Variants in MBD2 observed in about 807,000 individuals in gnomAD.
MBD2 encodes methyl-CpG binding domain protein 2, also known as methyl-CpG-binding domain protein 2.
Under a neutral mutation model 39.3 loss-of-function variants are expected in MBD2, and 9 were observed. The ratio of observed to expected loss-of-function variants is 0.23; its 90% CI spans 0.14 to 0.40. The LOEUF (loss-of-function observed/expected upper bound fraction) is 0.40, where lower values mean the gene tolerates loss of function less well. Ranked by LOEUF, MBD2 falls within the 10% of genes least tolerant of loss-of-function variation. MBD2 has a pLI of 1.00. For synonymous variants in MBD2, 233 were observed against 211.1 expected (o/e 1.10, Z -0.90); for missense variants, 458 against 532.6 (o/e 0.86, Z 1.38).
chr18:54,217,665 T>C (rs1599112707), intron 1 of MBD2, among the ~76,000 whole-genome samples: 2 of 152,326 alleles, frequency 1.3e-5, no homozygotes, highest in East Asian at 1.9e-4. Context: ...TCCTTTAACA[T>C]TCCATTAAAA....
At chr18:54,170,938 C>CA (rs1294084799) in intron 3 of MBD2, among the ~76,000 whole-genome samples, 1 of 152,106 alleles carries the variant, frequency 6.6e-6, no homozygotes, top group East Asian at 1.9e-4. Flanking sequence ...TTATAAAGAA[C>CA]AATAACCAAG....
intron 1 of MBD2, among the ~76,000 whole-genome samples, chr18:54,214,885 G>T (rs146302830): frequency 6.6e-6 from 1 of 151,624 alleles, no homozygotes; most frequent in African/African-American, 2.4e-5. Flanking sequence ...GACGACAGGC[G>T]CCCGCCAACA....
intron 1 of MBD2, among the ~76,000 whole-genome samples, chr18:54,210,722 T>C (rs916171614): frequency 1.3e-4 from 20 of 152,138 alleles, no homozygotes; most frequent in South Asian, 2.1e-4. Context: ...GCTAGCTAGA[T>C]AGCTAAACAG....
chr18:54,224,321 C>G lies in MBD2; in HGVS notation c.239G>C (p.Arg80Pro). The change falls in exon 1 of 7, where the codon CGG becomes CCG. Residue 80 changes from arginine to proline, a missense_variant. By Grantham distance (103) the Arg-to-Pro change is moderately radical. This residue lies in a region of MBD2 where 269 missense variants were observed against 236.0 expected (regional missense o/e 1.14). Transcript: ENST00000256429. The part of the protein sequence containing the change: ...GGGVCGRGRG[R>P]GRGRGRGRGR... ...CCGTCCCCGTCCCCGGCCACGGCCC[C>G]GGCCCCGGCCACGGCCACAGACGCC... The G allele has an allele frequency of 1.0e-6, 1 of 990,526 alleles. No individual in the cohort carries two copies. The highest frequency in any genetic ancestry group is 1.2e-6 in the Non-Finnish European group (1 of 829,764). The allele number at this position is 990,526 out of a possible 1,614,324, so 61.4% of individuals were successfully genotyped here. A position where few individuals can be genotyped will look rare whatever the true frequency, so the allele number is the denominator to read the frequency against.
chr18:54,199,938 G>T (rs2086392836), intron 2 of MBD2, among the ~76,000 whole-genome samples: 1 of 151,916 alleles, frequency 6.6e-6, no homozygotes, highest in Non-Finnish European at 1.5e-5. Flanking sequence ...AGATAGGTAA[G>T]CTCTCCACAA....
At position 54,164,554 on chromosome 18, in the gene MBD2, T is replaced by G; in HGVS notation, c.1078A>C (p.Lys360Gln). 1 of 1,613,894 alleles carries G rather than the reference T, an allele frequency of 6.2e-7. No homozygotes were observed. Among genetic ancestry groups the G allele is most frequent in the Non-Finnish European group, 8.5e-7 (1 of 1,179,748 alleles). Reference protein sequence around the residue: ...VWLNTSQPLCKAFIVTDEDIR... With the variant: ...VWLNTSQPLCQAFIVTDEDIR... ...TCTTCATCTGTGACAATAAAAGCTT[T>G]GCAGAGGGGTTGAGATGTGTTAAGC... The change falls in exon 5 of 7, where the codon AAA (lysine) becomes CAA (glutamine). Residue 360 changes from lysine (K) to glutamine (Q), a missense_variant. Physicochemically the swap from Lys to Gln is moderately conservative, Grantham distance 53 (BLOSUM62 1). Around this residue, in one of 2 missense-constraint regions of MBD2, gnomAD observed 189 missense variants for 296.6 expected, o/e 0.64. Coordinates refer to ENST00000256429, the MANE Select transcript of MBD2 (RefSeq NM_003927.5).
intron 1 of MBD2, among the ~76,000 whole-genome samples, chr18:54,207,992 C>T (rs1040858244): frequency 2.3e-4 from 35 of 151,828 alleles, no homozygotes; most frequent in Non-Finnish European, 5.0e-4. Context: ...GAGCTGAGAT[C>T]GCACCACTGC....
intron 6 of MBD2, among the ~76,000 whole-genome samples, chr18:54,158,289 G>C (rs1322079733): frequency 2.0e-4 from 31 of 151,912 alleles, no homozygotes; most frequent in Non-Finnish European, 1.5e-5. Flanking sequence ...CTTCTAATGG[G>C]AACACTTTTA....
intron 1 of MBD2, among the ~76,000 whole-genome samples, chr18:54,220,024 A>C (rs2086596929): frequency 6.6e-6 from 1 of 152,084 alleles, no homozygotes; most frequent in Non-Finnish European, 1.5e-5. Context: ...AATGGTCTCG[A>C]TCTCCTGACC....
intron 5 of MBD2, among the ~76,000 whole-genome samples, chr18:54,161,601 A>G (rs2086098705): frequency 6.6e-6 from 1 of 152,200 alleles, no homozygotes; most frequent in Non-Finnish European, 1.5e-5. Flanking sequence ...ATATGCAGTA[A>G]TTTGGATGGA....
At position 54,201,338 on chromosome 18, in the gene MBD2, G is replaced by A. The variant is rs572216848; in HGVS notation, c.702+3660C>T. On this transcript the variant is annotated intron_variant, in intron 2 of 6. Coordinates refer to ENST00000256429, the MANE Select transcript of MBD2 (RefSeq NM_003927.5). The stretch of plus-strand genomic sequence containing the variant: ...TCAGTAACCTTCTTGATATTTCAAC[G>A]TCAGTTGAAGAGATGGAGGTGGTGG... 7.9e-5 allele frequency among the ~76,000 whole-genome samples: 12 copies of A among 152,220 alleles called. No individual in the cohort carries two copies. In the South Asian group the frequency reaches 1.4e-3, roughly 18 times the overall value.
At chr18:54,158,809 G>C (rs971610940) in intron 6 of MBD2, among the ~76,000 whole-genome samples, 4 of 152,154 alleles carry the variant, frequency 2.6e-5, no homozygotes, top group African/African-American at 9.6e-5. Context: ...TATATTTTTA[G>C]TAGAGACAAG....
intron 2 of MBD2, among the ~76,000 whole-genome samples, chr18:54,203,541 T>C (rs2086424923): frequency 6.6e-6 from 1 of 152,224 alleles, no homozygotes. Flanking sequence ...AGCCTTCTCT[T>C]TCATTCTGCC....
intron 1 of MBD2, among the ~76,000 whole-genome samples, chr18:54,208,404 A>G (rs2086469946): frequency 6.6e-6 from 1 of 152,208 alleles, no homozygotes; most frequent in Non-Finnish European, 1.5e-5. Flanking sequence ...AGGCAGGAGA[A>G]TCGCTTGAAC....
chr18:54,166,710 C>T (rs967541853), intron 3 of MBD2, among the ~76,000 whole-genome samples: 1 of 152,136 alleles, frequency 6.6e-6, no homozygotes, highest in Non-Finnish European at 1.5e-5. Context: ...TATTTTTAAA[C>T]TGGATGTCAC....
intron 1 of MBD2, among the ~76,000 whole-genome samples, chr18:54,208,635 C>G (rs2086473184): frequency 6.6e-6 from 1 of 152,148 alleles, no homozygotes; most frequent in Non-Finnish European, 1.5e-5. Context: ...GTAACTCTTA[C>G]CAAAAAGATA....
At chr18:54,169,572 T>C (rs999715081) in intron 3 of MBD2, among the ~76,000 whole-genome samples, 1 of 152,168 alleles carries the variant, frequency 6.6e-6, no homozygotes, top group Non-Finnish European at 1.5e-5. Context: ...GACAGTAATA[T>C]TCAAAAGGTG....
At chr18:54,182,966 A>C (rs2086260890) in intron 3 of MBD2, among the ~76,000 whole-genome samples, 1 of 152,088 alleles carries the variant, frequency 6.6e-6, no homozygotes. Flanking sequence ...GAGAGATTAG[A>C]TGAAATGAAT....
At chr18:54,157,937 A>G (rs546889901) in intron 6 of MBD2, among the ~76,000 whole-genome samples, 1 of 152,228 alleles carries the variant, frequency 6.6e-6, no homozygotes, top group South Asian at 2.1e-4. Context: ...GCATGTCAAC[A>G]TCCTCCTAAA....
Sources: allele counts gnomAD v4.1 joint callset (sites outside exome capture counted in the v4.1 genomes callset), GRCh38; gene constraint gnomAD v4.1.1; regional missense constraint gnomAD v4.1.1; transcripts MANE v1.5; gene names NCBI Gene and HGNC (gene_info 2026-07-23, HGNC 2026-07-21).